Variants in PHIP observed in about 807,000 individuals in gnomAD.
PHIP encodes the protein PH-interacting protein.
In PHIP, 54 loss-of-function variants were observed where a neutral mutation model predicts 236.8. The observed-to-expected ratio is 0.23, with a 90% CI of 0.18 to 0.29. The LOEUF is 0.29. Ranked by LOEUF, PHIP falls within the 10% of genes least tolerant of loss-of-function variation. The probability of loss-of-function intolerance (pLI) is 1.00; values close to 1 mark genes in which losing one functional copy is unlikely to be tolerated. For missense variants in PHIP, 1,370 were observed against 2,190.8 expected (o/e 0.63, Z 7.48); for synonymous variants, 756 against 718.9 (o/e 1.05, Z -0.83).
At chr6:79,074,728 TTGAAA>T (rs1365071217) in intron 4 of PHIP, among the ~76,000 whole-genome samples, 4 of 152,242 alleles carry the variant, frequency 2.6e-5, no homozygotes, top group African/African-American at 7.2e-5. Flanking sequence ...TCAATCACAC[TTGAAA>T]TGAACGCATC....
At chr6:78,978,454 T>A in intron 24 of PHIP, 138 bp downstream of exon 24, 1 of 509,226 alleles carries the variant, frequency 2.0e-6, no homozygotes, top group South Asian at 5.0e-5. Context: ...TTGTACTTTC[T>A]CCATACATAG....
intron 24 of PHIP, among the ~76,000 whole-genome samples, chr6:78,978,200 C>G (rs537900238): frequency 6.6e-6 from 1 of 152,102 alleles, no homozygotes; most frequent in Admixed American, 6.5e-5. Context: ...AAACAAAACA[C>G]TAACACTTTT....
rs138161077 is a variant in PHIP at position 79,074,557 on chromosome 6, T to G, written c.189+2891A>C. Among the ~76,000 whole-genome samples the G allele has an allele frequency of 6.2e-4, 95 of 152,214 alleles. 1 individual carries two copies. In the South Asian group the frequency reaches 7.9e-3, roughly 13 times the overall value. On this transcript the variant is annotated intron_variant, in intron 4 of 39. Transcript: ENST00000275034. ...ATCTCATATTTTAAAAAATGTAAAA[T>G]CTAATTAAACGTATACCATAGTACC... is the stretch of plus-strand genomic sequence containing the variant.
At chr6:78,982,002 T>C (rs118136130) in intron 23 of PHIP, among the ~76,000 whole-genome samples, 5,587 of 152,042 alleles carry the variant, frequency 0.037, 103 homozygotes, top group Middle Eastern at 0.058. Flanking sequence ...TTAAAACAGA[T>C]ATATTCTTAT....
chr6:78,998,414 T>G, intron 17 of PHIP, 23 bp from the exon 18 acceptor site: 2 of 1,606,898 alleles, frequency 1.2e-6, no homozygotes, highest in Non-Finnish European at 1.7e-6. Flanking sequence ...ACACAAAATA[T>G]TACGAATATT....
chr6:78,945,395 T>C lies in PHIP; in HGVS notation c.4733A>G (p.Asn1578Ser). 1 of 1,613,216 alleles carries C rather than the reference T, an allele frequency of 6.2e-7. No individual in the cohort carries two copies. The highest frequency in any genetic ancestry group is 8.5e-7 in the Non-Finnish European group (1 of 1,179,216). Residue 1578 changes from asparagine to serine, a missense_variant, in exon 39 of 40, where the codon AAC (asparagine) becomes AGC (serine). This residue lies in a region of PHIP where 309 missense variants were observed against 328.3 expected (regional missense o/e 0.94). Coordinates refer to ENST00000275034, the MANE Select transcript of PHIP (RefSeq NM_017934.7). ...HGTRNNSAKE[N>S]MEKEKPVKRK... is the part of the protein sequence containing the mutation. Reference sequence around the variant, plus strand: ...TTTGACTGGCTTTTCCTTTTCCATGTTTTCTTTTGCAGAATTATTCCTAGT... The same window carrying C: ...TTTGACTGGCTTTTCCTTTTCCATGCTTTCTTTTGCAGAATTATTCCTAGT...
intron 23 of PHIP, among the ~76,000 whole-genome samples, chr6:78,979,428 T>G (rs980476807): frequency 2.6e-5 from 4 of 151,396 alleles, no homozygotes; most frequent in South Asian, 4.2e-4. Context: ...CAGCCTAGAG[T>G]TTTTTTTTAA....
intron 17 of PHIP, among the ~76,000 whole-genome samples, chr6:78,999,287 C>T (rs2127729687): frequency 6.6e-6 from 1 of 152,280 alleles, no homozygotes; most frequent in East Asian, 1.9e-4. Flanking sequence ...AATATTCCCA[C>T]TATAAAGATA....
intron 9 of PHIP, among the ~76,000 whole-genome samples, chr6:79,023,331 C>CT (rs1771219335): frequency 6.6e-6 from 1 of 152,138 alleles, no homozygotes; most frequent in Admixed American, 6.6e-5. Flanking sequence ...GTTCTGAACT[C>CT]AAGTGATCCT....
In PHIP at chr6:78,946,792, CGAA is replaced by C; in HGVS notation, c.4286_4288del (p.Leu1429del). 6.3e-7 allele frequency: 1 copy of C among 1,590,216 alleles called. No individual in the cohort carries two copies. Among genetic ancestry groups the C allele is most frequent in the Non-Finnish European group, 8.6e-7 (1 of 1,169,246 alleles). ...GGTTATGGTATTTCTTTTATGAAAA[CGAA>C]GAGCAGATTTATAATCTGATAAAAC... is the stretch of plus-strand genomic sequence containing the variant. On this transcript the variant is annotated inframe_deletion, in exon 37 of 40. Transcript: ENST00000275034.
In PHIP at chr6:78,939,533, T is replaced by TA. The variant is rs1258167131; in HGVS notation, c.*1159dup. The TA allele has an allele frequency of 6.6e-6, 1 of 151,890 alleles. No individual in the cohort carries two copies. Among genetic ancestry groups the TA allele is most frequent in the Non-Finnish European group, 1.5e-5 (1 of 67,776 alleles). 9.4% of individuals were successfully genotyped at this position (151,890 alleles called of 1,614,324 possible). A position where few individuals can be genotyped will look rare whatever the true frequency, so the allele number is the denominator to read the frequency against. On this transcript the variant is annotated 3_prime_UTR_variant, in exon 40 of 40. Transcript: ENST00000275034. The stretch of plus-strand genomic sequence containing the variant: ...AAATTATTTTTATTCTACTGCTATC[T>TA]AAAAAATCCTGAAAAAAGAATTTAT...
intron 39 of PHIP, among the ~76,000 whole-genome samples, chr6:78,942,427 G>A (rs909010465): frequency 2.0e-5 from 3 of 152,178 alleles, no homozygotes; most frequent in Non-Finnish European, 2.9e-5. Flanking sequence ...AGGTTGCAGT[G>A]AGCTGAGATC....
chr6:79,049,736 AAAT>A (rs1411244748), intron 6 of PHIP, among the ~76,000 whole-genome samples: 5 of 152,312 alleles, frequency 3.3e-5, no homozygotes, highest in African/African-American at 1.2e-4. Flanking sequence ...TTTTCCAAGA[AAAT>A]AATGCTATAT....
At position 79,075,635 on chromosome 6, in the gene PHIP, A is replaced by G. The variant is rs550206940; in HGVS notation, c.189+1813T>C. On this transcript the variant is annotated intron_variant, in intron 4 of 39. Coordinates refer to ENST00000275034, the MANE Select transcript of PHIP (RefSeq NM_017934.7). ...CAAAATTGATAGCTCATTTTTACTG[A>G]AAAAAAAAACAAAAAAACAAAATGA... 6.7e-5 allele frequency among the ~76,000 whole-genome samples: 9 copies of G among 135,128 alleles called. No homozygotes were observed. The East Asian group carries it at 1.7e-3, about 25-fold the overall frequency. The allele number at this position is 135,128 out of a possible 152,430, so 88.6% of individuals were successfully genotyped here. A position where few individuals can be genotyped will look rare whatever the true frequency, so the allele number is the denominator to read the frequency against.
At chr6:78,966,760 G>A (rs978332518) in intron 27 of PHIP, among the ~76,000 whole-genome samples, 4 of 152,086 alleles carry the variant, frequency 2.6e-5, no homozygotes, top group Non-Finnish European at 4.4e-5. Context: ...TTCCTTCTGT[G>A]TCATAAGAAA....
intron 8 of PHIP, 92 bp from the exon 9 acceptor site, chr6:79,025,711 A>C: frequency 3.6e-6 from 3 of 831,902 alleles, no homozygotes; most frequent in Non-Finnish European, 6.0e-6. Flanking sequence ...AACTAACAAC[A>C]ACAGTTAGAA....
intron 19 of PHIP, 45 bp downstream of exon 19, chr6:78,997,369 G>C: frequency 6.5e-7 from 1 of 1,545,408 alleles, no homozygotes; most frequent in Middle Eastern, 1.7e-4. Context: ...ACTCCAAAAT[G>C]AACCCAAGGA....
At chr6:79,011,137 A>G (rs1044287369) in intron 15 of PHIP, among the ~76,000 whole-genome samples, 4 of 151,870 alleles carry the variant, frequency 2.6e-5, no homozygotes, top group Non-Finnish European at 4.4e-5. Context: ...ACCTCCTGCC[A>G]ATGCCAAACA....
chr6:79,037,249 AAAG>A (rs1186687009), intron 7 of PHIP, among the ~76,000 whole-genome samples: 1 of 152,134 alleles, frequency 6.6e-6, no homozygotes, highest in African/African-American at 2.4e-5. Context: ...AGCAGGTTAT[AAAG>A]AATACAGGCC....
Sources: allele counts gnomAD v4.1 joint callset (sites outside exome capture counted in the v4.1 genomes callset), GRCh38; gene constraint gnomAD v4.1.1; regional missense constraint gnomAD v4.1.1; transcripts MANE v1.5; gene names NCBI Gene and HGNC (gene_info 2026-07-23, HGNC 2026-07-21).